Variants in GSAP observed in about 807,000 individuals in gnomAD.
GSAP encodes gamma-secretase activating protein.
In GSAP, 118 loss-of-function variants were observed where a neutral mutation model predicts 131.7. The ratio of observed to expected loss-of-function variants is 0.90; its 90% confidence interval spans 0.77 to 1.04. GSAP has a LOEUF of 1.04. Ranked by LOEUF, GSAP falls within the 50% of genes least tolerant of loss-of-function variation. GSAP has a pLI of 0.00. For missense variants in GSAP, 1,019 were observed against 1,013.2 expected (o/e 1.01, Z -0.08); for synonymous variants, 381 against 363.4 (o/e 1.05, Z -0.55).
chr7:77,390,601 G>A (rs981980577), intron 5 of GSAP, among the ~76,000 whole-genome samples: 4 of 151,984 alleles, frequency 2.6e-5, no homozygotes, highest in Non-Finnish European at 5.9e-5. Context: ...TTGTAGATAT[G>A]CAGCATTATA....
chr7:77,354,260 G>T (rs1044563758), intron 16 of GSAP, among the ~76,000 whole-genome samples: 2 of 152,126 alleles, frequency 1.3e-5, no homozygotes, highest in Non-Finnish European at 2.9e-5. Flanking sequence ...ATTCAAAACC[G>T]ATTTATGTTA....
At chr7:77,395,554 AGAC>A (rs1690305172) in intron 5 of GSAP, among the ~76,000 whole-genome samples, 1 of 152,296 alleles carries the variant, frequency 6.6e-6, no homozygotes, top group East Asian at 1.9e-4. Context: ...ATGGCACCAA[AGAC>A]GGAAGGGGTT....
intron 3 of GSAP, among the ~76,000 whole-genome samples, chr7:77,402,683 GT>G (rs1192099627): frequency 3.1e-4 from 39 of 124,788 alleles, no homozygotes; most frequent in African/African-American, 1.1e-3. Flanking sequence ...CAAAAGGTCC[GT>G]AAAAAAAAAA....
intron 14 of GSAP, among the ~76,000 whole-genome samples, chr7:77,357,312 G>A (rs965541846): frequency 6.6e-6 from 1 of 152,138 alleles, no homozygotes; most frequent in African/African-American, 2.4e-5. Flanking sequence ...AGATATGCAC[G>A]TGCTAATCCC....
intron 2 of GSAP, among the ~76,000 whole-genome samples, chr7:77,405,694 C>A (rs1167309615): frequency 1.3e-5 from 2 of 152,204 alleles, no homozygotes; most frequent in Non-Finnish European, 2.9e-5. Flanking sequence ...TGCGCCACAA[C>A]ACCCAGCTCA....
chr7:77,376,880 G>A lies in GSAP; in HGVS notation c.709C>T (p.Gln237Ter). The A allele has an allele frequency of 1.3e-6, 2 of 1,492,652 alleles. No individual in the cohort carries two copies. The highest frequency in any genetic ancestry group is 1.8e-6 in the Non-Finnish European group (2 of 1,090,628). The allele number at this position is 1,492,652 out of a possible 1,614,324, so 92.5% of individuals were successfully genotyped here. A position where few individuals can be genotyped will look rare whatever the true frequency, so the allele number is the denominator to read the frequency against. Residue 237 changes from glutamine to a stop codon, truncating the protein, a stop_gained, in exon 10 of 31, where the codon CAG (glutamine) becomes TAG (stop). Transcript: ENST00000257626. LOFTEE classifies it high-confidence loss of function. The stretch of plus-strand genomic sequence containing the variant: ...TTATAGCTCTCATCAGCATAAAACT[G>A]GATACATTTTAAGATACTCCTTGAT... The part of the protein sequence containing the change: ...KKSRSILKCI[Q>*]FYADESYNLM...
At chr7:77,340,572 C>T (rs1790761836) in intron 19 of GSAP, among the ~76,000 whole-genome samples, 1 of 152,202 alleles carries the variant, frequency 6.6e-6, no homozygotes, top group East Asian at 1.9e-4. Flanking sequence ...ATCTCCCTGT[C>T]CTTCCAATTC....
intron 24 of GSAP, among the ~76,000 whole-genome samples, chr7:77,322,670 G>C (rs1328452311): frequency 6.7e-6 from 1 of 149,502 alleles, no homozygotes; most frequent in Non-Finnish European, 1.5e-5. Context: ...CCTTGGTACA[G>C]TGCTATTGAG....
chr7:77,392,070 C>A (rs533272129), intron 5 of GSAP, among the ~76,000 whole-genome samples: 1 of 151,668 alleles, frequency 6.6e-6, no homozygotes, highest in Non-Finnish European at 1.5e-5. Flanking sequence ...ACTAAAAATA[C>A]AAAAATTAGC....
At position 77,376,941 on chromosome 7, in the gene GSAP, C is replaced by A. The variant is rs1272567256; in HGVS notation, c.682-34G>T. On this transcript the variant is annotated intron_variant, in intron 9 of 30. Transcript: ENST00000257626. ...GAAAACAGAATGGCATATTAAAAAA[C>A]CAGGAAAAAAAGAAAAGGAAGCAGT... The A allele has an allele frequency of 5.8e-6, 7 of 1,196,858 alleles. No individual in the cohort carries two copies. In the African/African-American group the frequency reaches 6.3e-5, roughly 11 times the overall value. 74.1% of individuals were successfully genotyped at this position (1,196,858 alleles called of 1,614,324 possible). A position where few individuals can be genotyped will look rare whatever the true frequency, so the allele number is the denominator to read the frequency against.
chr7:77,335,609 T>C (rs1789864954), intron 19 of GSAP, among the ~76,000 whole-genome samples: 1 of 152,044 alleles, frequency 6.6e-6, no homozygotes, highest in South Asian at 2.1e-4. Flanking sequence ...CCATTTATGA[T>C]TTGGATTGCC....
chr7:77,411,465 G>A (rs528707762), intron 1 of GSAP, among the ~76,000 whole-genome samples: 1 of 152,354 alleles, frequency 6.6e-6, no homozygotes, highest in African/African-American at 2.4e-5. Flanking sequence ...ATCTATTATA[G>A]TGCTATATAC....
chr7:77,345,920 C>T (rs1791738213), intron 19 of GSAP, among the ~76,000 whole-genome samples: 1 of 152,142 alleles, frequency 6.6e-6, no homozygotes, highest in South Asian at 2.1e-4. Flanking sequence ...AAATAAGAAT[C>T]AAATGCTATA....
chr7:77,374,269 G>A (rs1488762345), intron 11 of GSAP, 114 bp from the exon 12 acceptor site: 2 of 571,148 alleles, frequency 3.5e-6, no homozygotes, highest in African/African-American at 3.9e-5. Context: ...ACATTCCTGA[G>A]AAATTTAAGT....
At chr7:77,313,090 C>T (rs186639052) in intron 28 of GSAP, among the ~76,000 whole-genome samples, 1 of 152,274 alleles carries the variant, frequency 6.6e-6, no homozygotes, top group Admixed American at 6.5e-5. Context: ...GGTAGAAATG[C>T]AGTAAGGGGA....
chr7:77,398,877 T>TAC (rs1054248193), intron 3 of GSAP, among the ~76,000 whole-genome samples: 1 of 152,242 alleles, frequency 6.6e-6, no homozygotes, highest in African/African-American at 2.4e-5. Context: ...GCACTTATAT[T>TAC]ACACAGTTAC....
intron 19 of GSAP, among the ~76,000 whole-genome samples, chr7:77,346,021 T>C (rs1223673473): frequency 6.6e-6 from 1 of 151,994 alleles, no homozygotes; most frequent in Non-Finnish European, 1.5e-5. Context: ...ATAAAAATGT[T>C]CACTTTGGGA....
At chr7:77,357,970 G>A (rs548473409) in intron 14 of GSAP, among the ~76,000 whole-genome samples, 45 of 152,276 alleles carry the variant, frequency 3.0e-4, no homozygotes, top group African/African-American at 9.9e-4. Context: ...AATGTATATA[G>A]GTATCAAAAC....
In GSAP at chr7:77,352,950, C is replaced by G. The variant is rs1344948283; in HGVS notation, c.1485G>C (p.Trp495Cys). The G allele has an allele frequency of 1.3e-6, 2 of 1,571,588 alleles. No homozygotes were observed. Among genetic ancestry groups the G allele is most frequent in the East Asian group, 2.2e-5 (1 of 44,678 alleles). ...ATACACAGTGTTAACTTACTGTATT[C>G]CAAGTGAGCACTGAGGAATGTGGCA... ...KLLPHSSVLT[W>C]NTEIPGITLV... is the part of the protein sequence containing the mutation. The change falls in exon 18 of 31, where the codon TGG (tryptophan) becomes TGC (cysteine). Residue 495 changes from tryptophan (W) to cysteine (C), a missense_variant. Trp to Cys is a radical substitution (Grantham distance 215). Coordinates refer to ENST00000257626, the MANE Select transcript of GSAP (RefSeq NM_017439.4).
Sources: allele counts gnomAD v4.1 joint callset (sites outside exome capture counted in the v4.1 genomes callset), GRCh38; gene constraint gnomAD v4.1.1; transcripts MANE v1.5; gene names NCBI Gene and HGNC (gene_info 2026-07-23, HGNC 2026-07-21).